CSGALNACT1: variants seen among roughly 807,000 people sequenced by gnomAD.
CSGALNACT1 encodes beta4GalNAcT-1.
Under a neutral mutation model 51.0 loss-of-function variants are expected in CSGALNACT1, and 52 were observed. That is an observed-to-expected ratio of 1.02 (90% confidence interval 0.82 to 1.29). CSGALNACT1 has a LOEUF of 1.29. Among genes scored for constraint, CSGALNACT1 ranks in the 50% most tolerant of loss-of-function variants. CSGALNACT1 has a pLI of 0.00. For synonymous variants in CSGALNACT1, 341 were observed against 254.4 expected, an observed-to-expected ratio of 1.34 and a Z score of -3.24; for missense variants, 935 against 679.2, an observed-to-expected ratio of 1.38 and a Z score of -4.19.
intron 4 of CSGALNACT1, among the ~76,000 whole-genome samples, chr8:19,464,776 C>G (rs2066300535): frequency 6.6e-6 from 1 of 152,152 alleles, no homozygotes; most frequent in Admixed American, 6.5e-5. Context: ...AAAACCACCA[C>G]CTTCCCCTTG....
At chr8:19,423,144 A>G (rs961482497) in intron 6 of CSGALNACT1, among the ~76,000 whole-genome samples, 14 of 152,206 alleles carry the variant, frequency 9.2e-5, no homozygotes, top group East Asian at 1.9e-4. Context: ...TACCTGAACA[A>G]CAGCAAGTGA....
intron 3 of CSGALNACT1, among the ~76,000 whole-genome samples, chr8:19,571,766 A>T (rs939088198): frequency 6.6e-6 from 1 of 152,238 alleles, no homozygotes; most frequent in Non-Finnish European, 1.5e-5. Context: ...TTTAAAGCAA[A>T]CCTACAGTCC....
At chr8:19,417,672 A>G (rs2057152243) in intron 8 of CSGALNACT1, among the ~76,000 whole-genome samples, 1 of 152,224 alleles carries the variant, frequency 6.6e-6, no homozygotes, top group South Asian at 2.1e-4. Flanking sequence ...AGCAAGAGGC[A>G]GAGCTACCCA....
intron 3 of CSGALNACT1, among the ~76,000 whole-genome samples, chr8:19,583,324 C>T (rs538952818): frequency 1.3e-5 from 2 of 152,192 alleles, no homozygotes; most frequent in Admixed American, 1.3e-4. Flanking sequence ...TTGAGTTATT[C>T]TCTAGTATCT....
At chr8:19,440,525 T>G (rs1407250427) in intron 5 of CSGALNACT1, among the ~76,000 whole-genome samples, 1 of 152,004 alleles carries the variant, frequency 6.6e-6, no homozygotes, top group Non-Finnish European at 1.5e-5. Context: ...CAACCCTTCA[T>G]GCTAAAAACT....
intron 1 of CSGALNACT1, among the ~76,000 whole-genome samples, chr8:19,649,238 T>G (rs2057553171): frequency 6.6e-6 from 1 of 152,218 alleles, no homozygotes; most frequent in South Asian, 2.1e-4. Context: ...GGTGGCCATC[T>G]TCTTAGGTAT....
At chr8:19,549,364 C>G (rs1319885407) in intron 3 of CSGALNACT1, among the ~76,000 whole-genome samples, 1 of 152,028 alleles carries the variant, frequency 6.6e-6, no homozygotes, top group Admixed American at 6.6e-5. Context: ...TTTGTTTTTT[C>G]TTGCTATTAA....
chr8:19,578,504 G>T (rs954460303), intron 3 of CSGALNACT1, among the ~76,000 whole-genome samples: 1 of 151,406 alleles, frequency 6.6e-6, no homozygotes, highest in African/African-American at 2.5e-5. Flanking sequence ...TTATTTAAGT[G>T]ACTGTATTTG....
chr8:19,716,612 C>CCAAAA lies in CSGALNACT1; in HGVS notation c.-297+41237_-297+41238insTTTTG, dbSNP rs1414449293. On this transcript the variant is annotated intron_variant, in intron 1 of 1. Coordinates refer to the CSGALNACT1 transcript ENST00000517494. ...GGCCAACATGGTAAAACCCTCTCTA[C>CCAAAA]AAAAAAAAAAAAAAAAAAAAAAAAA... is the stretch of plus-strand genomic sequence containing the variant. Among the ~76,000 whole-genome samples the CCAAAA allele has an allele frequency of 6.7e-4, 28 of 41,992 alleles. 1 individual carries two copies. Among genetic ancestry groups the CCAAAA allele is most frequent in the South Asian group, 6.1e-3 (4 of 654 alleles). The allele number at this position is 41,992 out of a possible 152,430, so 27.5% of individuals were successfully genotyped here. A position where few individuals can be genotyped will look rare whatever the true frequency, so the allele number is the denominator to read the frequency against.
chr8:19,523,201 C>T (rs1293032291), intron 3 of CSGALNACT1, among the ~76,000 whole-genome samples: 1 of 152,192 alleles, frequency 6.6e-6, no homozygotes, highest in Non-Finnish European at 1.5e-5. Context: ...ATGCCACACC[C>T]ACCTCGCTCT....
At chr8:19,597,029 A>G (rs1054095493) in intron 2 of CSGALNACT1, among the ~76,000 whole-genome samples, 2 of 152,054 alleles carry the variant, frequency 1.3e-5, no homozygotes, top group African/African-American at 4.8e-5. Context: ...GACACCTCTC[A>G]TTCTATTTTC....
chr8:19,473,386 A>G (rs2068657330), intron 4 of CSGALNACT1, among the ~76,000 whole-genome samples: 2 of 152,108 alleles, frequency 1.3e-5, no homozygotes, highest in African/African-American at 4.8e-5. Context: ...TCTAGTTGTA[A>G]AACCCTGCCT....
chr8:19,752,106 A>T (rs994020289), intron 1 of CSGALNACT1, among the ~76,000 whole-genome samples: 2 of 144,004 alleles, frequency 1.4e-5, no homozygotes, highest in African/African-American at 5.1e-5. Flanking sequence ...ATACATTATT[A>T]TATTATATAT....
intron 3 of CSGALNACT1, among the ~76,000 whole-genome samples, chr8:19,536,186 A>T (rs1233666038): frequency 2.0e-5 from 3 of 152,204 alleles, no homozygotes; most frequent in Admixed American, 1.3e-4. Context: ...TTGGGTGATG[A>T]TGATGTAAAA....
chr8:19,709,672 G>T (rs942208240), intron 1 of CSGALNACT1, among the ~76,000 whole-genome samples: 4 of 152,302 alleles, frequency 2.6e-5, no homozygotes, highest in African/African-American at 9.6e-5. Flanking sequence ...TCTCAACTTG[G>T]CACTCAGTGG....
At chr8:19,503,056 G>A (rs2076683635) in intron 4 of CSGALNACT1, among the ~76,000 whole-genome samples, 2 of 152,168 alleles carry the variant, frequency 1.3e-5, no homozygotes, top group Non-Finnish European at 2.9e-5. Context: ...CTTTCCTAAG[G>A]CTCTGCTTCC....
In CSGALNACT1 at chr8:19,509,748, T is replaced by C. The variant is rs141424265; in HGVS notation, c.-296-3618A>G. ...GCCACAAAATCTCTGTGCAATCTCCTTCTCTGAGCAACAGTGGGAGAATTA... is the reference window on the plus strand; with the variant it reads ...GCCACAAAATCTCTGTGCAATCTCCCTCTCTGAGCAACAGTGGGAGAATTA... On this transcript the variant is annotated intron_variant, in intron 3 of 9. Transcript: ENST00000454498. 1.1e-4 allele frequency among the ~76,000 whole-genome samples: 16 copies of C among 152,074 alleles called. No homozygotes were observed. In the East Asian group the frequency reaches 2.7e-3, roughly 26 times the overall value.
chr8:19,634,539 G>T (rs529827621), intron 1 of CSGALNACT1, among the ~76,000 whole-genome samples: 154 of 152,262 alleles, frequency 1.0e-3, no homozygotes, highest in African/African-American at 3.4e-3. Flanking sequence ...ATGCACACCG[G>T]TAGTCCCAGC....
chr8:19,696,307 G>A (rs1317823487), intron 1 of CSGALNACT1, among the ~76,000 whole-genome samples: 1 of 152,188 alleles, frequency 6.6e-6, no homozygotes, highest in East Asian at 1.9e-4. Context: ...AAGATAATGT[G>A]TGTCATATTT....
Sources: allele counts gnomAD v4.1 joint callset (sites outside exome capture counted in the v4.1 genomes callset), GRCh38; gene constraint gnomAD v4.1.1; transcripts MANE v1.5; gene names NCBI Gene and HGNC (gene_info 2026-07-23, HGNC 2026-07-21).